Variants in KANSL1L observed in about 807,000 individuals in gnomAD.
The protein encoded by KANSL1L is KAT8 regulatory NSL complex subunit 1-like protein.
Under a neutral mutation model 108.6 loss-of-function variants are expected in KANSL1L, and 25 were observed. That is an observed-to-expected ratio of 0.23 (90% confidence interval 0.17 to 0.32). KANSL1L has a LOEUF of 0.32. KANSL1L is among the 10% of genes least tolerant of loss of function. KANSL1L has a pLI of 1.00. For missense variants in KANSL1L, 1,137 were observed against 1,125.7 expected, an observed-to-expected ratio of 1.01 and a Z score of -0.14; for synonymous variants, 405 against 395.1, an observed-to-expected ratio of 1.03 and a Z score of -0.30.
chr2:210,148,206 A>G (rs2095278735), intron 2 of KANSL1L, among the ~76,000 whole-genome samples: 2 of 152,206 alleles, frequency 1.3e-5, no homozygotes. Flanking sequence ...TTCCTGGAAT[A>G]AGACAAGCAG....
chr2:210,114,439 G>C (rs1399061098), intron 3 of KANSL1L, among the ~76,000 whole-genome samples: 1 of 152,088 alleles, frequency 6.6e-6, no homozygotes, highest in Non-Finnish European at 1.5e-5. Context: ...TTTACCAGTA[G>C]ACCTACTCTG....
intron 1 of KANSL1L, among the ~76,000 whole-genome samples, chr2:210,164,950 C>T (rs1294040330): frequency 6.7e-6 from 1 of 149,816 alleles, no homozygotes; most frequent in Non-Finnish European, 1.5e-5. Context: ...ACTGCAACTT[C>T]CGCTTCCTGG....
chr2:210,092,468 T>C (rs193172115), intron 5 of KANSL1L, among the ~76,000 whole-genome samples: 19 of 152,358 alleles, frequency 1.2e-4, no homozygotes, highest in Non-Finnish European at 2.6e-4. Flanking sequence ...AGTTATTATA[T>C]TCAGTATTTT....
chr2:210,047,366 A>G (rs529077383), intron 6 of KANSL1L, among the ~76,000 whole-genome samples: 215 of 152,236 alleles, frequency 1.4e-3, no homozygotes, highest in Middle Eastern at 3.4e-3. Context: ...TCCTTCAGCA[A>G]TTTTCTAAGA....
chr2:210,139,742 C>CTTTTTTT, intron 2 of KANSL1L, among the ~76,000 whole-genome samples: 1 of 134,372 alleles, frequency 7.4e-6, no homozygotes, highest in Non-Finnish European at 1.6e-5. Context: ...TGCCCATTTC[C>CTTTTTTT]TTTTTTTTTT....
intron 2 of KANSL1L, 28 bp downstream of exon 2, chr2:210,153,467 A>T (rs912983091): frequency 6.3e-7 from 1 of 1,584,334 alleles, no homozygotes; most frequent in South Asian, 1.1e-5. Context: ...TGGAACAGAA[A>T]ATAGTCTAAT....
chr2:210,059,889 G>A (rs11682370), intron 6 of KANSL1L, among the ~76,000 whole-genome samples: 12,645 of 151,888 alleles, frequency 0.083, 560 homozygotes, highest in Middle Eastern at 0.15. Context: ...TTACAGGCAC[G>A]TGTCACCACG....
intron 6 of KANSL1L, among the ~76,000 whole-genome samples, chr2:210,052,928 C>T (rs770822775): frequency 3.9e-5 from 6 of 152,182 alleles, no homozygotes; most frequent in Non-Finnish European, 7.4e-5. Context: ...GGAGTCCTTC[C>T]TAAATGGAAA....
intron 3 of KANSL1L, among the ~76,000 whole-genome samples, chr2:210,115,746 A>G (rs748595586): frequency 2.6e-5 from 4 of 152,236 alleles, no homozygotes; most frequent in Non-Finnish European, 4.4e-5. Flanking sequence ...CACATGCCCA[A>G]GAACTTTCCA....
chr2:210,080,844 T>G (rs1261483800), intron 5 of KANSL1L, among the ~76,000 whole-genome samples: 1 of 151,858 alleles, frequency 6.6e-6, no homozygotes, highest in Non-Finnish European at 1.5e-5. Flanking sequence ...TGGTGGCTCA[T>G]GCCTGTAATC....
intron 5 of KANSL1L, among the ~76,000 whole-genome samples, chr2:210,076,141 TA>T (rs1296753436): frequency 6.6e-6 from 1 of 152,174 alleles, no homozygotes; most frequent in Admixed American, 6.6e-5. Context: ...TTAAAAGAAC[TA>T]AAGTCATCAC....
chr2:210,145,777 G>C (rs866040542), intron 2 of KANSL1L, among the ~76,000 whole-genome samples: 1 of 152,186 alleles, frequency 6.6e-6, no homozygotes, highest in African/African-American at 2.4e-5. Flanking sequence ...TGGGCTCCAA[G>C]GCTTGGGTTG....
At chr2:210,150,908 A>G (rs1471373200) in intron 2 of KANSL1L, among the ~76,000 whole-genome samples, 3 of 152,236 alleles carry the variant, frequency 2.0e-5, no homozygotes, top group Non-Finnish European at 4.4e-5. Context: ...ACTGCATAGG[A>G]CAAAACACAA....
intron 5 of KANSL1L, among the ~76,000 whole-genome samples, chr2:210,083,415 C>T (rs181812584): frequency 6.6e-6 from 1 of 152,238 alleles, no homozygotes; most frequent in Non-Finnish European, 1.5e-5. Flanking sequence ...AGTTGGAAGT[C>T]CTTTGATGAA....
Position 210,075,714 on chromosome 2 carries a change from C to T in KANSL1L, c.1593G>A (p.Trp531Ter). 6.2e-7 allele frequency: 1 copy of T among 1,613,950 alleles called. No individual in the cohort carries two copies. The highest frequency in any genetic ancestry group is 8.5e-7 in the Non-Finnish European group (1 of 1,179,910). ...TCTTACTGTGCTTCTGGTTAAGTAA[C>T]CAGCTACTGGAGGAAGACAGCTCAT... is the stretch of plus-strand genomic sequence containing the variant. ...NLDELSSSSSWLLNQKHSKKK... is the reference protein window; with the variant it reads ...NLDELSSSSS Residue 531 changes from tryptophan (W) to a stop codon, truncating the protein, a stop_gained, in exon 6 of 15, where the codon TGG becomes TGA. Transcript: ENST00000281772. LOFTEE classifies it high-confidence loss of function.
chr2:210,035,717 G>A (rs1164708534), intron 8 of KANSL1L, among the ~76,000 whole-genome samples: 1 of 152,166 alleles, frequency 6.6e-6, no homozygotes, highest in Non-Finnish European at 1.5e-5. Flanking sequence ...GACCTCAGGT[G>A]ATCCACCTGC....
intron 5 of KANSL1L, among the ~76,000 whole-genome samples, chr2:210,091,908 C>G (rs933824957): frequency 6.6e-6 from 1 of 152,158 alleles, no homozygotes; most frequent in Admixed American, 6.6e-5. Flanking sequence ...CCTTCACACT[C>G]AGACTTGAAA....
At chr2:210,042,047 C>G (rs556824446) in intron 7 of KANSL1L, among the ~76,000 whole-genome samples, 43 of 152,152 alleles carry the variant, frequency 2.8e-4, no homozygotes, top group African/African-American at 9.4e-4. Flanking sequence ...ATTTGTTTCT[C>G]CAAAGCAATA....
chr2:210,062,303 A>T (rs2094428322), intron 6 of KANSL1L, among the ~76,000 whole-genome samples: 1 of 152,248 alleles, frequency 6.6e-6, no homozygotes, highest in Admixed American at 6.5e-5. Flanking sequence ...ATTGTGAGGC[A>T]TCACCAGCCA....
Sources: allele counts gnomAD v4.1 joint callset (sites outside exome capture counted in the v4.1 genomes callset), GRCh38; gene constraint gnomAD v4.1.1; transcripts MANE v1.5; gene names NCBI Gene and HGNC (gene_info 2026-07-23, HGNC 2026-07-21).